GRPEL1: variants seen among roughly 807,000 people sequenced by gnomAD.
GRPEL1 encodes the protein grpE protein homolog 1, mitochondrial.
A neutral mutation model predicts 22.1 loss-of-function variants in GRPEL1; 13 were observed. The observed-to-expected ratio is 0.59, with a 90% CI of 0.38 to 0.94. GRPEL1 has a LOEUF of 0.94. GRPEL1 is among the 40% of genes least tolerant of loss of function. The pLI is 0.00. For missense variants in GRPEL1, 289 were observed against 264.6 expected, an observed-to-expected ratio of 1.09 and a Z score of -0.64; for synonymous variants, 109 against 105.3, an observed-to-expected ratio of 1.03 and a Z score of -0.21.
Position 7,060,623 on chromosome 4 carries a change from GCTGAGCTCTTCTGAAAGTATGTGGAA to G in GRPEL1, c.*213_*238del. On this transcript the variant is annotated 3_prime_UTR_variant, in exon 4 of 4. Transcript: ENST00000264954. ...TGCTCGGGAGACCAGGCAGGGCCCT[GCTGAGCTCTTCTGAAAGTATGTGGAA>G]CTATTCAACGCGTGGCACTAAAAGG... 1.9e-6 allele frequency: 1 copy of G among 540,002 alleles called. No individual in the cohort carries two copies. Among genetic ancestry groups the G allele is most frequent in the Non-Finnish European group, 3.3e-6 (1 of 305,134 alleles). The allele number at this position is 540,002 out of a possible 1,614,324, so 33.5% of individuals were successfully genotyped here. A position where few individuals can be genotyped will look rare whatever the true frequency, so the allele number is the denominator to read the frequency against.
At chr4:7,066,028 G>C (rs930495689) in intron 1 of GRPEL1, among the ~76,000 whole-genome samples, 1 of 152,026 alleles carries the variant, frequency 6.6e-6, no homozygotes, top group Non-Finnish European at 1.5e-5. Flanking sequence ...TAATTTTTTT[G>C]TATTTTTTTA....
At chr4:7,065,993 A>G (rs1277281660) in intron 1 of GRPEL1, among the ~76,000 whole-genome samples, 4 of 151,950 alleles carry the variant, frequency 2.6e-5, no homozygotes, top group Non-Finnish European at 4.4e-5. Context: ...AGCTGGGACT[A>G]TAGGCGTCCA....
intron 1 of GRPEL1, among the ~76,000 whole-genome samples, chr4:7,066,108 C>T (rs1225199158): frequency 6.6e-6 from 1 of 152,100 alleles, no homozygotes; most frequent in Non-Finnish European, 1.5e-5. Flanking sequence ...CCGCCCGCAC[C>T]CGGCCAGGAC....
In GRPEL1 at chr4:7,064,216, G is replaced by A; in HGVS notation, c.70C>T (p.Pro24Ser). Reference protein sequence around the residue: ...PALALSLRPSPRLLCTATKQK... With the variant: ...PALALSLRPSSRLLCTATKQK... ...TTCGTGGCTGTGCACAACAACCGGG[G>A]AGATGGCCTACAGGGAAGTCCACAC... The change falls in exon 2 of 4, where the codon CCC becomes TCC. Residue 24 changes from proline (P) to serine (S), a missense_variant. Transcript: ENST00000264954. The A allele has an allele frequency of 6.2e-7, 1 of 1,612,430 alleles. No individual in the cohort carries two copies. The highest frequency in any genetic ancestry group is 8.5e-7 in the Non-Finnish European group (1 of 1,179,096).
In GRPEL1 at chr4:7,062,419, C is replaced by T; in HGVS notation, c.273G>A (p.Arg91=). ...ALADTENLRQ[R]SQKLVEEAKL... ...TTGCCTCCTCCACCAATTTCTGGCT[C>T]CTCTGCCGTAAGTTCTCAGTGTCTG... The change falls in exon 3 of 4, where the codon AGG becomes AGA. Residue 91 remains arginine, a synonymous_variant. Coordinates refer to ENST00000264954, the MANE Select transcript of GRPEL1 (RefSeq NM_025196.4). 1 of 1,601,774 alleles carries T rather than the reference C, an allele frequency of 6.2e-7. No homozygotes were observed. The highest frequency in any genetic ancestry group is 1.3e-5 in the African/African-American group (1 of 74,422).
At chr4:7,065,719 C>T (rs1724151273) in intron 1 of GRPEL1, among the ~76,000 whole-genome samples, 1 of 151,966 alleles carries the variant, frequency 6.6e-6, no homozygotes, top group Non-Finnish European at 1.5e-5. Flanking sequence ...TGGACAAAGG[C>T]ATGAAGACAG....
At position 7,062,402 on chromosome 4, in the gene GRPEL1, T is replaced by C; in HGVS notation, c.290A>G (p.Glu97Gly). The stretch of plus-strand genomic sequence containing the variant: ...GAAAGTACCGTATAATTTTGCCTCC[T>C]CCACCAATTTCTGGCTCCTCTGCCG... Reference protein sequence around the residue: ...NLRQRSQKLVEEAKLYGIQAF... With the variant: ...NLRQRSQKLVGEAKLYGIQAF... Residue 97 changes from glutamate (E) to glycine (G), a missense_variant, in exon 3 of 4, where the codon GAG (glutamate) becomes GGG (glycine). Glu to Gly is a moderately conservative substitution (Grantham distance 98, BLOSUM62 -2). Coordinates refer to ENST00000264954, the MANE Select transcript of GRPEL1 (RefSeq NM_025196.4). 2 of 1,585,798 alleles carry C rather than the reference T, an allele frequency of 1.3e-6. No individual in the cohort carries two copies. Among genetic ancestry groups the C allele is most frequent in the Non-Finnish European group, 1.7e-6 (2 of 1,158,530 alleles).
chr4:7,060,640 G>GT lies in GRPEL1; in HGVS notation c.*221dup. 3 of 563,600 alleles carry GT rather than the reference G, an allele frequency of 5.3e-6. No individual in the cohort carries two copies. The highest frequency in any genetic ancestry group is 4.7e-4 in the Middle Eastern group (1 of 2,132). The allele number at this position is 563,600 out of a possible 1,614,324, so 34.9% of individuals were successfully genotyped here. A position where few individuals can be genotyped will look rare whatever the true frequency, so the allele number is the denominator to read the frequency against. On this transcript the variant is annotated 3_prime_UTR_variant, in exon 4 of 4. Coordinates refer to ENST00000264954, the MANE Select transcript of GRPEL1 (RefSeq NM_025196.4). Reference sequence around the variant, plus strand: ...AGGGCCCTGCTGAGCTCTTCTGAAAGTATGTGGAACTATTCAACGCGTGGC... The same window carrying GT: ...AGGGCCCTGCTGAGCTCTTCTGAAAGTTATGTGGAACTATTCAACGCGTGGC...
chr4:7,067,205 C>T (rs1724189247), intron 1 of GRPEL1, among the ~76,000 whole-genome samples: 1 of 152,142 alleles, frequency 6.6e-6, no homozygotes, highest in African/African-American at 2.4e-5. Flanking sequence ...CAAGTACTTG[C>T]CATACTAACT....
intron 3 of GRPEL1, chr4:7,061,489 A>G (rs1182397581): frequency 5.5e-6 from 2 of 362,132 alleles, no homozygotes; most frequent in Non-Finnish European, 1.0e-5. Flanking sequence ...CCAGATGTCA[A>G]GCAAGCAGTA....
At chr4:7,063,998 ATG>A in intron 2 of GRPEL1, 61 bp downstream of exon 2, 1 of 1,526,410 alleles carries the variant, frequency 6.6e-7, no homozygotes, top group Non-Finnish European at 8.9e-7. Context: ...TGGAACCTTT[ATG>A]TGGCCCAGGA....
At chr4:7,061,496 A>G in intron 3 of GRPEL1, 2 of 348,320 alleles carry the variant, frequency 5.7e-6, no homozygotes, top group South Asian at 6.6e-5. Context: ...TCAAGCAAGC[A>G]GTAAGATTTA....
chr4:7,067,642 G>C, intron 1 of GRPEL1: 1 of 401,000 alleles, frequency 2.5e-6, no homozygotes. Context: ...CGCCGAGACC[G>C]TGAATGCGCG....
At position 7,059,768 on chromosome 4, in the gene GRPEL1, C is replaced by A. The variant is rs1723993192; in HGVS notation, c.*1094G>T. Reference sequence around the variant, plus strand: ...CAGCCTTTTTCTAAGCCCTGGATGACCGTGTAAATGAGGAACAGCCCTTTG... The same window carrying A: ...CAGCCTTTTTCTAAGCCCTGGATGAACGTGTAAATGAGGAACAGCCCTTTG... On this transcript the variant is annotated 3_prime_UTR_variant, in exon 4 of 4. Transcript: ENST00000264954. 1 of 152,220 alleles carries A rather than the reference C, an allele frequency of 6.6e-6. No individual in the cohort carries two copies. The highest frequency in any genetic ancestry group is 1.5e-5 in the Non-Finnish European group (1 of 68,048). The allele number at this position is 152,220 out of a possible 1,614,324, so 9.4% of individuals were successfully genotyped here.
chr4:7,061,450 A>T (rs1724039547), intron 3 of GRPEL1: 1 of 475,076 alleles, frequency 2.1e-6, no homozygotes. Flanking sequence ...AGTGCAGTAG[A>T]GGGGAAAATA....
In GRPEL1 at chr4:7,063,943, T is replaced by G. The variant is rs892833493; in HGVS notation, c.225+118A>C. 219 of 1,201,014 alleles carry G rather than the reference T, an allele frequency of 1.8e-4. 1 individual carries two copies. The highest frequency in any genetic ancestry group is 2.8e-5 in the Admixed American group (1 of 35,688). 74.4% of individuals were successfully genotyped at this position (1,201,014 alleles called of 1,614,324 possible). A position where few individuals can be genotyped will look rare whatever the true frequency, so the allele number is the denominator to read the frequency against. The stretch of plus-strand genomic sequence containing the variant: ...TGCCACCTGGGCCCACTGCAGGCCA[T>G]GGACAACGGCTTAACTCTGGCTTTA... On this transcript the variant is annotated intron_variant, in intron 2 of 3. Transcript: ENST00000264954.
At position 7,064,465 on chromosome 4, in the gene GRPEL1, T is replaced by TA. The variant is rs1215638564; in HGVS notation, c.63-243_63-242insT. The stretch of plus-strand genomic sequence containing the variant: ...TAGATCTAAGATAAACATATATATA[T>TA]TTTTTTAGAGACAGGATTGGTCTCT... On this transcript the variant is annotated intron_variant, in intron 1 of 3. Transcript: ENST00000264954. The TA allele has an allele frequency of 3.4e-5, 11 of 319,354 alleles. No individual in the cohort carries two copies. The East Asian group carries it at 4.7e-4, about 14-fold the overall frequency. 19.8% of individuals were successfully genotyped at this position (319,354 alleles called of 1,614,324 possible). A position where few individuals can be genotyped will look rare whatever the true frequency, so the allele number is the denominator to read the frequency against.
chr4:7,061,014 C>T lies in GRPEL1; in HGVS notation c.502G>A (p.Ala168Thr), dbSNP rs1724029098. The change falls in exon 4 of 4, where the codon GCC (alanine) becomes ACC (threonine). Residue 168 changes from alanine to threonine, a missense_variant. Transcript: ENST00000264954. ...HGLLKLNPVG[A>T]KFDPYEHEAL... is the part of the protein sequence containing the mutation. ...TCATGTTCATAAGGGTCGAACTTGG[C>T]TCCGACAGGGTTCAACTTGAGCAAG... 4 of 1,614,218 alleles carry T rather than the reference C, an allele frequency of 2.5e-6. No homozygotes were observed. The East Asian group carries it at 8.9e-5, about 36-fold the overall frequency.
At chr4:7,064,700 T>C (rs1458948559) in intron 1 of GRPEL1, among the ~76,000 whole-genome samples, 1 of 152,178 alleles carries the variant, frequency 6.6e-6, no homozygotes, top group African/African-American at 2.4e-5. Flanking sequence ...GGTTTCACTA[T>C]GTTGGCCAGG....
Sources: gnomAD v4.1 joint callset for allele counts (sites outside exome capture counted in the v4.1 genomes callset) on GRCh38, gnomAD v4.1.1 for gene constraint, MANE v1.5 for transcripts, NCBI Gene and HGNC (gene_info 2026-07-23, HGNC 2026-07-21) for gene names.